The following RSPH1 variants were observed in gnomAD, a reference collection of about 807,000 sequenced individuals.
The protein encoded by RSPH1 is radial spoke head component 1.
In RSPH1, 32 loss-of-function variants were observed where a neutral mutation model predicts 44.2. That is an observed-to-expected ratio of 0.72 (90% CI 0.55 to 0.97). RSPH1 has a LOEUF of 0.97. RSPH1 is among the 50% of genes least tolerant of loss of function. The probability of loss-of-function intolerance (pLI) is 0.00; values close to 1 mark genes in which losing one functional copy is unlikely to be tolerated. For missense variants in RSPH1, 391 were observed against 398.7 expected (o/e 0.98, Z 0.16); for synonymous variants, 134 against 147.3 (o/e 0.91, Z 0.65).
At chr21:42,496,089 C>A in intron 1 of RSPH1, 44 bp downstream of exon 1, 5 of 1,610,780 alleles carry the variant, frequency 3.1e-6, no homozygotes, top group Non-Finnish European at 3.4e-6. Context: ...GGTTCCCCCG[C>A]CGCTGCGCAC....
At chr21:42,483,120 C>A (rs566048352) in intron 5 of RSPH1, among the ~76,000 whole-genome samples, 1 of 152,130 alleles carries the variant, frequency 6.6e-6, no homozygotes, top group Non-Finnish European at 1.5e-5. Context: ...ATGGCATGAA[C>A]TACTTCCCGT....
In RSPH1 at chr21:42,474,839, T is replaced by A. The variant is rs1313885829; in HGVS notation, c.877+1059A>T. Among the ~76,000 whole-genome samples the A allele has an allele frequency of 6.8e-6, 1 of 147,808 alleles. No homozygotes were observed. Among genetic ancestry groups the A allele is most frequent in the East Asian group, 1.9e-4 (1 of 5,166 alleles). On this transcript the variant is annotated intron_variant, in intron 8 of 8. Coordinates refer to ENST00000291536, the MANE Select transcript of RSPH1 (RefSeq NM_080860.4). The surrounding 1 kb of genome is among the most constrained non-coding windows in gnomAD (Gnocchi z 5.2). ...GAATTACCGATCACGAAAGTCTATG[T>A]GTGCTTCAAGCATCTAAGAGAAAAC...
intron 6 of RSPH1, among the ~76,000 whole-genome samples, chr21:42,482,329 C>T (rs529570732): frequency 3.9e-5 from 6 of 152,144 alleles, no homozygotes; most frequent in South Asian, 2.1e-4. Flanking sequence ...AGCAATCCAC[C>T]GCTTCGGCCT....
Position 42,472,628 on chromosome 21 carries a change from G to A in RSPH1, c.*190C>T. 1 of 449,696 alleles carries A rather than the reference G, an allele frequency of 2.2e-6. No individual in the cohort carries two copies. The highest frequency in any genetic ancestry group is 4.0e-6 in the Non-Finnish European group (1 of 252,422). The allele number at this position is 449,696 out of a possible 1,614,324, so 27.9% of individuals were successfully genotyped here. A position where few individuals can be genotyped will look rare whatever the true frequency, so the allele number is the denominator to read the frequency against. On this transcript the variant is annotated 3_prime_UTR_variant, in exon 9 of 9. Coordinates refer to ENST00000291536, the MANE Select transcript of RSPH1 (RefSeq NM_080860.4). ...TTGTTTTTGTTTATTTTTTGAGACA[G>A]GGTCTCGCTCTGCCACCCAGGCTGG...
Position 42,477,101 on chromosome 21 carries a change from C to A in RSPH1, c.727+190G>T, listed in dbSNP as rs13048879. 0.43 allele frequency among the ~76,000 whole-genome samples: 9,666 copies of A among 22,594 alleles called. 2,560 individuals carry two copies. Among genetic ancestry groups the A allele is most frequent in the Middle Eastern group, 0.55 (21 of 38 alleles). The allele number at this position is 22,594 out of a possible 152,430, so 14.8% of individuals were successfully genotyped here. A position where few individuals can be genotyped will look rare whatever the true frequency, so the allele number is the denominator to read the frequency against. On this transcript the variant is annotated intron_variant, in intron 7 of 8. Coordinates refer to ENST00000291536, the MANE Select transcript of RSPH1 (RefSeq NM_080860.4). ...GCCCGGGGATGCCCCACACCCTCTG[C>A]CCCCTCCACTCCACAGCCCGGGGAT...
intron 5 of RSPH1, among the ~76,000 whole-genome samples, chr21:42,482,971 A>G (rs1024139393): frequency 1.3e-5 from 2 of 152,240 alleles, no homozygotes; most frequent in Admixed American, 6.5e-5. Context: ...ATCAGTATCC[A>G]TAGGCAAACT....
intron 5 of RSPH1, among the ~76,000 whole-genome samples, chr21:42,484,486 A>C (rs535906653): frequency 6.6e-6 from 1 of 152,324 alleles, no homozygotes; most frequent in Non-Finnish European, 1.5e-5. Context: ...ACCCCCAAAC[A>C]ATAATTCTGT....
intron 6 of RSPH1, among the ~76,000 whole-genome samples, chr21:42,480,752 G>A (rs1038714931): frequency 6.6e-6 from 1 of 152,052 alleles, no homozygotes; most frequent in African/African-American, 2.4e-5. Flanking sequence ...CCCTTGGGGT[G>A]AAAGGATGGA....
rs117385282 is a variant in RSPH1, at chr21:42,476,033, C to T, written c.742G>A (p.Gly248Arg). The T allele has an allele frequency of 0.18, 290,471 of 1,613,276 alleles. 28,399 individuals are homozygous for T. Among genetic ancestry groups the T allele is most frequent in the Non-Finnish European group, 0.2 (237,597 of 1,179,670 alleles). Reference protein sequence around the residue: ...APGAESAGEPGEEAQALLEGF... With the variant: ...APGAESAGEPREEAQALLEGF... ...TCCAGCAGAGCCTGGGCCTCCTCCC[C>T]GGGTTCTCCTGCACCTGAGATAAAA... The change falls in exon 8 of 9, where the codon GGG becomes AGG. Residue 248 changes from glycine (G) to arginine (R), a missense_variant. Gly to Arg is a moderately radical substitution (Grantham distance 125). Coordinates refer to ENST00000291536, the MANE Select transcript of RSPH1 (RefSeq NM_080860.4).
intron 3 of RSPH1, among the ~76,000 whole-genome samples, chr21:42,489,394 T>C (rs2054214314): frequency 6.6e-6 from 1 of 152,158 alleles, no homozygotes; most frequent in Non-Finnish European, 1.5e-5. Context: ...GTTGATTGGT[T>C]GGCTGTTTGA....
At chr21:42,493,635 A>G (rs1464118044) in intron 1 of RSPH1, among the ~76,000 whole-genome samples, 2 of 152,214 alleles carry the variant, frequency 1.3e-5, no homozygotes, top group Admixed American at 1.3e-4. Context: ...GAGGGCACTG[A>G]GGAGTACACA....
At chr21:42,487,504 CAA>C (rs1042432675) in intron 3 of RSPH1, among the ~76,000 whole-genome samples, 4 of 152,130 alleles carry the variant, frequency 2.6e-5, no homozygotes, top group African/African-American at 9.7e-5. Context: ...GAGAAGCATT[CAA>C]AGAGTATTAG....
intron 4 of RSPH1, 38 bp downstream of exon 4, chr21:42,486,333 T>A: frequency 7.1e-7 from 1 of 1,408,084 alleles, no homozygotes; most frequent in Non-Finnish European, 1.0e-6. Context: ...TCTCATTACA[T>A]AAGCAAATCC....
At chr21:42,486,274 G>C (rs2054179731) in intron 4 of RSPH1, 97 bp downstream of exon 4, 5 of 958,564 alleles carry the variant, frequency 5.2e-6, no homozygotes, top group South Asian at 1.4e-5. Context: ...CTGGGCTTTT[G>C]TTATGATTCT....
chr21:42,476,991 TCTGTC>T (rs1312237712), intron 7 of RSPH1, among the ~76,000 whole-genome samples: 29 of 49,822 alleles, frequency 5.8e-4, no homozygotes, highest in African/African-American at 1.8e-3. Flanking sequence ...CCCCACACCC[TCTGTC>T]CCACAGCCCG....
intron 7 of RSPH1, among the ~76,000 whole-genome samples, chr21:42,476,399 G>A (rs1056083247): frequency 1.3e-5 from 2 of 152,156 alleles, no homozygotes; most frequent in Non-Finnish European, 2.9e-5. Flanking sequence ...GAGGCTGCCC[G>A]GCCATTCTGG....
At chr21:42,478,208 C>T (rs866074140) in intron 6 of RSPH1, among the ~76,000 whole-genome samples, 2 of 152,260 alleles carry the variant, frequency 1.3e-5, no homozygotes, top group Non-Finnish European at 2.9e-5. Flanking sequence ...ATCTGAGCAT[C>T]AGCACTATGA....
At position 42,474,561 on chromosome 21, in the gene RSPH1, C is replaced by T. The variant is rs957584580; in HGVS notation, c.877+1337G>A. On this transcript the variant is annotated intron_variant, in intron 8 of 8. Transcript: ENST00000291536. The surrounding 1 kb of genome is among the most constrained non-coding windows in gnomAD (Gnocchi z 5.2). ...GTGACTAAGGACTGACATCTGTGGG[C>T]ACAGCTAGATGCTGCTGTAACACTG... Among the ~76,000 whole-genome samples the T allele has an allele frequency of 8.5e-5, 13 of 152,368 alleles. No individual in the cohort carries two copies. The highest frequency in any genetic ancestry group is 3.4e-3 in the Middle Eastern group (1 of 294).
chr21:42,478,694 G>A (rs923669101), intron 6 of RSPH1, among the ~76,000 whole-genome samples: 15 of 152,146 alleles, frequency 9.9e-5, no homozygotes, highest in African/African-American at 2.7e-4. Context: ...TCCACTCCTC[G>A]GTATATAACC....
Sources: allele counts gnomAD v4.1 joint callset (sites outside exome capture counted in the v4.1 genomes callset), GRCh38; gene constraint gnomAD v4.1.1; non-coding constraint Gnocchi (gnomAD v3.1); transcripts MANE v1.5; gene names NCBI Gene and HGNC (gene_info 2026-07-23, HGNC 2026-07-21).